RABL6: variants seen among roughly 807,000 people sequenced by gnomAD.
RABL6 encodes RAB, member RAS oncogene family like 6.
A neutral mutation model predicts 72.9 loss-of-function variants in RABL6; 28 were observed. The observed-to-expected ratio is 0.38, with a 90% confidence interval of 0.28 to 0.53. The LOEUF (loss-of-function observed/expected upper bound fraction) is 0.53. Among genes scored for constraint, RABL6 ranks in the 20% least tolerant of loss-of-function variants. RABL6 has a pLI of 0.80. For synonymous variants in RABL6, 477 were observed against 421.2 expected (o/e 1.13, Z -1.62); for missense variants, 1,029 against 1,008.4 (o/e 1.02, Z -0.28).
chr9:136,821,857 G>T, intron 1 of RABL6: 3 of 1,235,172 alleles, frequency 2.4e-6, no homozygotes, highest in Non-Finnish European at 3.1e-6. Flanking sequence ...CGGGAGAAGC[G>T]CGGAGCCTCC....
intron 4 of RABL6, 54 bp from the exon 5 acceptor site, chr9:136,829,339 C>A: frequency 2.9e-6 from 4 of 1,401,104 alleles, no homozygotes; most frequent in Non-Finnish European, 4.0e-6. Context: ...CTGTGGGCCA[C>A]ACGGGTGGGG....
At chr9:136,817,587 G>GTGGGCTGAGGGGAGGCCGACA in intron 1 of RABL6, among the ~76,000 whole-genome samples, 1 of 150,570 alleles carries the variant, frequency 6.6e-6, no homozygotes, top group African/African-American at 2.4e-5. Context: ...GGAGGCCGAC[G>GTGGGCTGAGGGGAGGCCGACA]TGGGCTGAGG....
intron 7 of RABL6, 190 bp downstream of exon 7, chr9:136,832,560 G>A: frequency 1.5e-6 from 1 of 687,820 alleles, no homozygotes; most frequent in South Asian, 1.6e-5. Context: ...ACAGGGTCCT[G>A]AGGGCTAGAC....
At chr9:136,832,461 CCT>C (rs747185845) in intron 7 of RABL6, 91 bp downstream of exon 7, 6 of 1,059,346 alleles carry the variant, frequency 5.7e-6, no homozygotes, top group Non-Finnish European at 8.8e-6. Context: ...CCTCCTAACC[CCT>C]GAGAAAGCTG....
Position 136,840,205 on chromosome 9 carries a change from G to T in RABL6, c.1982G>T (p.Gly661Val). 1 of 1,612,912 alleles carries T rather than the reference G, an allele frequency of 6.2e-7. No homozygotes were observed. The highest frequency in any genetic ancestry group is 8.5e-7 in the Non-Finnish European group (1 of 1,179,836). Residue 661 changes from glycine (G) to valine (V), a missense_variant, in exon 14 of 15, where the codon GGC becomes GTC. Gly to Val is a moderately radical substitution (Grantham distance 109). Coordinates refer to ENST00000311502, the MANE Select transcript of RABL6 (RefSeq NM_024718.5). ...SKEKKKKKKK[G>V]KEEEEKAAKK... ...GAGAAGAAGAAGAAGAAGAAAAAAG[G>T]CAAAGAGGTACTGGCTACTCCCCTT...
chr9:136,813,584 G>T, intron 1 of RABL6: 1 of 345,854 alleles, frequency 2.9e-6, no homozygotes. Context: ...TCCCATCCTT[G>T]CTGACTAATC....
At position 136,840,809 on chromosome 9, in the gene RABL6, T is replaced by C; in HGVS notation, c.*287T>C. 7 of 1,547,262 alleles carry C rather than the reference T, an allele frequency of 4.5e-6. No individual in the cohort carries two copies. Among genetic ancestry groups the C allele is most frequent in the Non-Finnish European group, 6.1e-6 (7 of 1,146,768 alleles). On this transcript the variant is annotated 3_prime_UTR_variant, in exon 15 of 15. Coordinates refer to ENST00000311502, the MANE Select transcript of RABL6 (RefSeq NM_024718.5). Reference sequence around the variant, plus strand: ...CAGAGCCGCCAGTGTTTCTCAGGGATGTGACTGAGGCCCAGGAGGGACCTG... The same window carrying C: ...CAGAGCCGCCAGTGTTTCTCAGGGACGTGACTGAGGCCCAGGAGGGACCTG...
At chr9:136,828,420 G>T in intron 3 of RABL6, 74 bp from the exon 4 acceptor site, 4 of 1,490,616 alleles carry the variant, frequency 2.7e-6, no homozygotes, top group Non-Finnish European at 3.7e-6. Context: ...GAGTGGCCAT[G>T]GGGGGACCAT....
chr9:136,810,263 C>A (rs1047526925), intron 1 of RABL6, among the ~76,000 whole-genome samples: 2 of 152,108 alleles, frequency 1.3e-5, no homozygotes, highest in African/African-American at 4.8e-5. Context: ...GGGCAAGGTC[C>A]ACCTCATGCA....
chr9:136,831,937 C>T, intron 6 of RABL6, 76 bp downstream of exon 6: 3 of 1,505,452 alleles, frequency 2.0e-6, no homozygotes, highest in Non-Finnish European at 2.7e-6. Flanking sequence ...GAGGCAGAGG[C>T]CCAGGGAGGG....
chr9:136,831,987 C>T (rs1009261676), intron 6 of RABL6, 126 bp downstream of exon 6: 98 of 1,351,574 alleles, frequency 7.3e-5, no homozygotes, highest in Admixed American at 1.3e-4. Flanking sequence ...TGGGTCTCGC[C>T]GCTGAGTGGG....
chr9:136,823,658 G>A lies in RABL6; in HGVS notation c.264G>A (p.Lys88=), dbSNP rs1227547172. Residue 88 remains lysine, a splice_region_variant and synonymous_variant, in exon 2 of 15, where the codon AAG becomes AAA. Transcript: ENST00000311502. The part of the protein sequence containing the change: ...IQVTSIHWSY[K]TTDDIVKVEV... ...TCACCAGCATCCACTGGAGCTACAA[G>A]AGTAAGTGTGGTGGGTGCCCCAGTG... 1.2e-6 allele frequency: 2 copies of A among 1,607,236 alleles called. No homozygotes were observed. The highest frequency in any genetic ancestry group is 1.7e-6 in the Non-Finnish European group (2 of 1,175,128).
intron 13 of RABL6, 70 bp downstream of exon 13, chr9:136,839,935 C>T: frequency 6.5e-7 from 1 of 1,543,378 alleles, no homozygotes; most frequent in Non-Finnish European, 8.8e-7. Context: ...CTCCCAGCTG[C>T]TGGCCGCTGG....
intron 1 of RABL6, chr9:136,813,483 C>G: frequency 2.0e-6 from 1 of 489,952 alleles, no homozygotes; most frequent in Non-Finnish European, 3.7e-6. Flanking sequence ...GGAAATAGAT[C>G]GGCCATCCAT....
At chr9:136,810,582 C>G (rs1292295095) in intron 1 of RABL6, among the ~76,000 whole-genome samples, 2 of 152,012 alleles carry the variant, frequency 1.3e-5, no homozygotes, top group Admixed American at 1.3e-4. Flanking sequence ...TGCTGTGTCT[C>G]CCAGGCTGGA....
rs1454384411 is a variant in RABL6 at position 136,808,146 on chromosome 9, C to T, written c.-51C>T. On this transcript the variant is annotated 5_prime_UTR_variant, in exon 1 of 15. Coordinates refer to ENST00000311502, the MANE Select transcript of RABL6 (RefSeq NM_024718.5). ...TGGTGCCAGTCGCACCCCTTCCCCG[C>T]CGCCGCTGAGCTCGCCGGCCGCGCC... 2 of 1,462,048 alleles carry T rather than the reference C, an allele frequency of 1.4e-6. No homozygotes were observed. Among genetic ancestry groups the T allele is most frequent in the East Asian group, 6.3e-5 (2 of 31,874 alleles). The allele number at this position is 1,462,048 out of a possible 1,614,324, so 90.6% of individuals were successfully genotyped here. A position where few individuals can be genotyped will look rare whatever the true frequency, so the allele number is the denominator to read the frequency against.
intron 1 of RABL6, chr9:136,815,154 C>T (rs904399818): frequency 1.6e-5 from 5 of 321,840 alleles, no homozygotes; most frequent in African/African-American, 4.5e-5. Context: ...TCCTCCTCAT[C>T]GCTGTCTTCC....
At chr9:136,813,086 CCCAA>C in intron 1 of RABL6, 1 of 384,646 alleles carries the variant, frequency 2.6e-6, no homozygotes, top group South Asian at 2.3e-5. Context: ...ACTACCCTTG[CCCAA>C]CAAAGCTGTC....
intron 8 of RABL6, 80 bp downstream of exon 8, chr9:136,835,925 G>A: frequency 1.5e-6 from 2 of 1,333,980 alleles, no homozygotes; most frequent in Non-Finnish European, 2.1e-6. Context: ...GCTGCACCAA[G>A]GAGACAGCAG....
Sources: gnomAD v4.1 joint callset for allele counts (sites outside exome capture counted in the v4.1 genomes callset) on GRCh38, gnomAD v4.1.1 for gene constraint, MANE v1.5 for transcripts, NCBI Gene and HGNC (gene_info 2026-07-23, HGNC 2026-07-21) for gene names.